ACVR2A: variants seen among roughly 807,000 people sequenced by gnomAD.
The protein encoded by ACVR2A is activin A receptor type 2A, also known as activin receptor type-2A.
Under a neutral mutation model 61.4 loss-of-function variants are expected in ACVR2A, and 7 were observed. The observed-to-expected ratio is 0.11, with a 90% CI of 0.06 to 0.21. The LOEUF is 0.21. ACVR2A is among the 10% of genes least tolerant of loss of function. The probability of loss-of-function intolerance (pLI) is 1.00; values close to 1 mark genes in which losing one functional copy is unlikely to be tolerated. For missense variants in ACVR2A, 322 were observed against 621.7 expected (o/e 0.52, Z 5.13); for synonymous variants, 193 against 208.3 (o/e 0.93, Z 0.63).
chr2:147,873,705 A>T (rs116140241), intron 1 of ACVR2A, among the ~76,000 whole-genome samples: 1,915 of 152,112 alleles, frequency 0.013, 47 homozygotes, highest in African/African-American at 0.044. Flanking sequence ...TGGTGAAACC[A>T]TTTGGAAAAT....
At chr2:147,925,798 C>G in intron 9 of ACVR2A, 1 of 422,834 alleles carries the variant, frequency 2.4e-6, no homozygotes, top group South Asian at 5.0e-5. Flanking sequence ...AAGAAAGCCC[C>G]TTATGCAATC....
At chr2:147,918,390 C>G (rs200942773) in intron 6 of ACVR2A, 57 bp from the exon 7 acceptor site, 1 of 1,493,212 alleles carries the variant, frequency 6.7e-7, no homozygotes, top group Non-Finnish European at 9.0e-7. Context: ...GAAAAGTCTC[C>G]TTATACATAT....
intron 1 of ACVR2A, among the ~76,000 whole-genome samples, chr2:147,882,650 T>C (rs1188932396): frequency 6.6e-6 from 1 of 152,234 alleles, no homozygotes. Flanking sequence ...CACATGCACA[T>C]TGTCTAGTGC....
At chr2:147,849,854 A>G (rs1429509030) in intron 1 of ACVR2A, among the ~76,000 whole-genome samples, 2 of 152,196 alleles carry the variant, frequency 1.3e-5, no homozygotes, top group South Asian at 2.1e-4. Context: ...TAAGAGAAGC[A>G]CAACTAAACC....
intron 1 of ACVR2A, among the ~76,000 whole-genome samples, chr2:147,884,780 C>A (rs951433187): frequency 1.3e-5 from 2 of 152,092 alleles, no homozygotes; most frequent in Non-Finnish European, 2.9e-5. Context: ...ATATTGTATA[C>A]CCCTTGTTTT....
In ACVR2A at chr2:147,854,594, G is replaced by A. The variant is rs1362092625; in HGVS notation, c.55+9387G>A. Among the ~76,000 whole-genome samples, 3 of 152,138 alleles carry A rather than the reference G, an allele frequency of 2.0e-5. No individual in the cohort carries two copies. In the East Asian group the frequency reaches 5.8e-4, roughly 29 times the overall value. On this transcript the variant is annotated intron_variant, in intron 1 of 10. Transcript: ENST00000241416. ...TTCTTTGACCTTTGACAGCCATTAA[G>A]ATTTCACTTTACTCACCCTAAATTA...
At chr2:147,909,953 T>G (rs1204133233) in intron 4 of ACVR2A, among the ~76,000 whole-genome samples, 1 of 152,214 alleles carries the variant, frequency 6.6e-6, no homozygotes, top group East Asian at 1.9e-4. Flanking sequence ...TAAAAAAATT[T>G]TGCTTTACCG....
chr2:147,863,851 T>C (rs1172850299), intron 1 of ACVR2A, among the ~76,000 whole-genome samples: 1 of 152,200 alleles, frequency 6.6e-6, no homozygotes, highest in African/African-American at 2.4e-5. Flanking sequence ...GAATCAGAAC[T>C]AGGTCAGAAT....
chr2:147,926,297 C>A, intron 10 of ACVR2A, 136 bp downstream of exon 10: 1 of 1,146,716 alleles, frequency 8.7e-7, no homozygotes, highest in Non-Finnish European at 1.2e-6. Flanking sequence ...TTCTAGAGTT[C>A]TAGAGGCAGA....
intron 1 of ACVR2A, among the ~76,000 whole-genome samples, chr2:147,878,775 G>C (rs1162437265): frequency 6.6e-6 from 1 of 152,038 alleles, no homozygotes. Flanking sequence ...CCGGTGTGGT[G>C]GCAGCCACCT....
In ACVR2A at chr2:147,891,057, GACTAGGATGGCAAATACAAGAC is replaced by G. The variant is rs534952147; in HGVS notation, c.56-5239_56-5218del. On this transcript the variant is annotated intron_variant, in intron 1 of 10. Transcript: ENST00000241416. ...TGGCCCTTTGTTTATCTTTTTTCTA[GACTAGGATGGCAAATACAAGAC>G]ACTAATGCTGCTCCCCTTCCCTTCC... 1.3e-4 allele frequency among the ~76,000 whole-genome samples: 20 copies of G among 152,000 alleles called. No homozygotes were observed. The South Asian group carries it at 3.9e-3, about 30-fold the overall frequency.
intron 1 of ACVR2A, among the ~76,000 whole-genome samples, chr2:147,880,980 T>C (rs560979466): frequency 6.6e-6 from 1 of 152,296 alleles, no homozygotes. Flanking sequence ...TTAATGGAAA[T>C]CTATCCCTTT....
At chr2:147,892,061 T>C (rs999911623) in intron 1 of ACVR2A, among the ~76,000 whole-genome samples, 38 of 151,590 alleles carry the variant, frequency 2.5e-4, no homozygotes, top group African/African-American at 8.7e-4. Flanking sequence ...AACCTCCACC[T>C]CCTGGGTTCA....
At chr2:147,864,445 T>C (rs564817202) in intron 1 of ACVR2A, among the ~76,000 whole-genome samples, 15 of 152,256 alleles carry the variant, frequency 9.9e-5, no homozygotes, top group African/African-American at 3.4e-4. Flanking sequence ...TTGGCCAAGC[T>C]GGTCTGAAAC....
At chr2:147,906,900 G>T (rs1033086583) in intron 4 of ACVR2A, among the ~76,000 whole-genome samples, 2 of 145,354 alleles carry the variant, frequency 1.4e-5, no homozygotes, top group African/African-American at 5.1e-5. Context: ...GTATATCTGT[G>T]CCATGGTGGT....
At chr2:147,855,053 G>T (rs530662414) in intron 1 of ACVR2A, among the ~76,000 whole-genome samples, 1 of 151,960 alleles carries the variant, frequency 6.6e-6, no homozygotes, top group Non-Finnish European at 1.5e-5. Context: ...GCTAATTTTT[G>T]TATTTTTGGT....
intron 1 of ACVR2A, among the ~76,000 whole-genome samples, chr2:147,860,516 A>G (rs1663892210): frequency 6.6e-6 from 1 of 152,230 alleles, no homozygotes; most frequent in South Asian, 2.1e-4. Context: ...GTCCAGAGTC[A>G]GTTACCCATT....
At chr2:147,917,764 A>T (rs1025717773) in intron 6 of ACVR2A, among the ~76,000 whole-genome samples, 47 of 151,872 alleles carry the variant, frequency 3.1e-4, no homozygotes, top group African/African-American at 1.1e-3. Context: ...GATTACGTGA[A>T]CCATTTTTTT....
intron 1 of ACVR2A, among the ~76,000 whole-genome samples, chr2:147,879,512 C>T (rs889620333): frequency 3.9e-5 from 6 of 152,136 alleles, no homozygotes; most frequent in Admixed American, 3.3e-4. Context: ...ATGTTTAAGT[C>T]CACTCCATTA....
Sources: gnomAD v4.1 joint callset for allele counts (sites outside exome capture counted in the v4.1 genomes callset) on GRCh38, gnomAD v4.1.1 for gene constraint, MANE v1.5 for transcripts, NCBI Gene and HGNC (gene_info 2026-07-23, HGNC 2026-07-21) for gene names.